SEMA4B: variants seen among roughly 807,000 people sequenced by gnomAD.
The protein encoded by SEMA4B is semaphorin-4B.
Under a neutral mutation model 88.1 loss-of-function variants are expected in SEMA4B, and 55 were observed. The observed-to-expected ratio is 0.62, with a 90% confidence interval of 0.50 to 0.78. SEMA4B has a LOEUF of 0.78. Among genes scored for constraint, SEMA4B ranks in the 30% least tolerant of loss-of-function variants. The pLI is 0.00. For missense variants in SEMA4B, 1,062 were observed against 1,111.9 expected, an observed-to-expected ratio of 0.96 and a Z score of 0.64; for synonymous variants, 525 against 473.6, an observed-to-expected ratio of 1.11 and a Z score of -1.41.
intron 13 of SEMA4B, 120 bp downstream of exon 13, chr15:90,227,762 C>A: frequency 6.9e-7 from 1 of 1,447,784 alleles, no homozygotes; most frequent in Non-Finnish European, 9.4e-7. Context: ...CCCCTGTAAG[C>A]AGGTCCCCAG....
At chr15:90,216,853 A>G (rs932727056) in intron 1 of SEMA4B, among the ~76,000 whole-genome samples, 6 of 152,192 alleles carry the variant, frequency 3.9e-5, no homozygotes, top group African/African-American at 1.4e-4. Flanking sequence ...CAAAAAAAAA[A>G]GAAAAGCCCA....
intron 1 of SEMA4B, among the ~76,000 whole-genome samples, chr15:90,204,938 G>A (rs1478448749): frequency 6.6e-6 from 1 of 152,112 alleles, no homozygotes; most frequent in Non-Finnish European, 1.5e-5. Context: ...ACCATGCTTA[G>A]CTAATTTTTG....
intron 1 of SEMA4B, chr15:90,206,697 A>C (rs2292577): frequency 0.24 from 174,361 of 722,290 alleles, 26,243 homozygotes; most frequent in East Asian, 0.61. Context: ...AAAGCCTTAG[A>C]CAAGCGCCAA....
intron 1 of SEMA4B, among the ~76,000 whole-genome samples, chr15:90,202,515 C>G (rs1960796215): frequency 6.6e-6 from 1 of 152,214 alleles, no homozygotes; most frequent in Non-Finnish European, 1.5e-5. Context: ...CTTTTCCCTT[C>G]CATCCGGTTG....
Position 90,219,774 on chromosome 15 carries a change from C to T in SEMA4B, c.385-19C>T, listed in dbSNP as rs1555423253. 6.2e-7 allele frequency: 1 copy of T among 1,603,362 alleles called. No homozygotes were observed. Among genetic ancestry groups the T allele is most frequent in the Non-Finnish European group, 8.5e-7 (1 of 1,172,366 alleles). On this transcript the variant is annotated intron_variant, in intron 3 of 13. Transcript: ENST00000411539. ...ATGCTTGGGCGTGGGACTGATATCCCCTCGCTCCTTCCCCCCAGCGCGACT... is the reference window on the plus strand; with the variant it reads ...ATGCTTGGGCGTGGGACTGATATCCTCTCGCTCCTTCCCCCCAGCGCGACT...
chr15:90,211,151 C>G (rs1048098283), intron 1 of SEMA4B, among the ~76,000 whole-genome samples: 2 of 152,146 alleles, frequency 1.3e-5, no homozygotes, highest in East Asian at 3.9e-4. Flanking sequence ...AGCCCCTGAG[C>G]AGAGGGACTG....
chr15:90,191,166 C>G (rs1960332347), intron 1 of SEMA4B, among the ~76,000 whole-genome samples: 1 of 152,204 alleles, frequency 6.6e-6, no homozygotes, highest in South Asian at 2.1e-4. Flanking sequence ...GGGATCCCCT[C>G]CCAGGGAGTG....
chr15:90,185,192 C>T (rs1324946350), intron 1 of SEMA4B: 6 of 548,960 alleles, frequency 1.1e-5, no homozygotes, highest in Non-Finnish European at 1.4e-5. Context: ...CACCTCCCGC[C>T]CGGCCCCTCT....
At chr15:90,215,097 G>A (rs1015124196) in intron 1 of SEMA4B, 14 of 699,786 alleles carry the variant, frequency 2.0e-5, no homozygotes, top group Non-Finnish European at 2.4e-5. Flanking sequence ...GGTGGTCAGG[G>A]TGCTGCTCTT....
At position 90,228,537 on chromosome 15, in the gene SEMA4B, CAG is replaced by C. The variant is rs1962324924; in HGVS notation, c.2412_2413del (p.Lys805GlufsTer29). Reference sequence around the variant, plus strand: ...CCGGGGTCCCGAGTCTTCACTGAGTCAGAGAAGAGGCCACTCAGCATCCAAGA... The same window carrying C: ...CCGGGGTCCCGAGTCTTCACTGAGTCAGAAGAGGCCACTCAGCATCCAAGA... On this transcript the variant is annotated frameshift_variant, in exon 14 of 14. Transcript: ENST00000411539. LOFTEE classifies it high-confidence loss of function. 14 of 1,612,860 alleles carry C rather than the reference CAG, an allele frequency of 8.7e-6. No individual in the cohort carries two copies. In the East Asian group the frequency reaches 8.9e-5, roughly 10 times the overall value.
upstream of SEMA4B, among the ~76,000 whole-genome samples, chr15:90,201,041 G>T (rs1380373561): frequency 6.6e-6 from 1 of 152,196 alleles, no homozygotes; most frequent in Non-Finnish European, 1.5e-5. Context: ...GACGCAGCGT[G>T]TCCCCAAACC....
chr15:90,206,615 G>C (rs1351519764), intron 1 of SEMA4B: 8 of 609,258 alleles, frequency 1.3e-5, no homozygotes, highest in Non-Finnish European at 2.1e-5. Context: ...GGACATTAAT[G>C]CTGCTTTACA....
chr15:90,193,295 T>C (rs1960401050), intron 1 of SEMA4B: 1 of 152,098 alleles, frequency 6.6e-6, no homozygotes, highest in African/African-American at 2.4e-5. Context: ...CCTCGTGTGG[T>C]TTCTAGTCTG....
At chr15:90,201,877 A>G in intron 1 of SEMA4B, 142 bp downstream of exon 1, 1 of 809,862 alleles carries the variant, frequency 1.2e-6, no homozygotes, top group East Asian at 3.4e-5. Context: ...TCTTTTTTCA[A>G]GGCGCTGCGC....
At chr15:90,214,904 T>C (rs1460339227) in intron 1 of SEMA4B, 2 of 1,054,594 alleles carry the variant, frequency 1.9e-6, no homozygotes, top group East Asian at 6.5e-5. Context: ...CTACTTTCTT[T>C]TCTTCATGTC....
intron 3 of SEMA4B, 93 bp downstream of exon 3, chr15:90,217,922 C>T: frequency 9.2e-7 from 1 of 1,084,962 alleles, no homozygotes; most frequent in Admixed American, 2.0e-5. Flanking sequence ...GGAGCAGATA[C>T]AGCCAGGTAT....
Position 90,219,829 on chromosome 15 carries a change from C to A in SEMA4B, c.421C>A (p.Leu141Ile). 1 of 1,613,720 alleles carries A rather than the reference C, an allele frequency of 6.2e-7. No homozygotes were observed. Among genetic ancestry groups the A allele is most frequent in the Non-Finnish European group, 8.5e-7 (1 of 1,179,844 alleles). Residue 141 changes from leucine (L) to isoleucine (I), a missense_variant, in exon 4 of 14, where the codon CTC (leucine) becomes ATC (isoleucine). Leu to Ile is a conservative substitution (Grantham distance 5, BLOSUM62 2). Transcript: ENST00000411539. ...CQNYIKILLP[L>I]SGSHLFTCGT... ...AAACTACATCAAGATCCTCCTGCCGCTCAGCGGCAGTCACCTGTTCACCTG... is the reference window on the plus strand; with the variant it reads ...AAACTACATCAAGATCCTCCTGCCGATCAGCGGCAGTCACCTGTTCACCTG...
upstream of SEMA4B, among the ~76,000 whole-genome samples, chr15:90,199,218 A>G (rs1188325349): frequency 1.3e-5 from 2 of 152,112 alleles, no homozygotes; most frequent in African/African-American, 2.4e-5. Context: ...TGTTGAGAAT[A>G]GATTGTAGGG....
upstream of SEMA4B, among the ~76,000 whole-genome samples, chr15:90,197,303 T>C (rs1293108740): frequency 2.0e-5 from 3 of 152,056 alleles, no homozygotes; most frequent in African/African-American, 2.4e-5. Context: ...GGTGGAAGGA[T>C]TGCTTGAGCC....
Sources: gnomAD v4.1 joint callset for allele counts (sites outside exome capture counted in the v4.1 genomes callset) on GRCh38, gnomAD v4.1.1 for gene constraint, MANE v1.5 for transcripts, NCBI Gene and HGNC (gene_info 2026-07-23, HGNC 2026-07-21) for gene names.